The following RNF13 variants were observed in gnomAD, a reference collection of about 807,000 sequenced individuals.
RNF13 encodes the protein E3 ubiquitin-protein ligase RNF13.
RNF13 carries 19 observed loss-of-function variants against 37.7 expected under a neutral mutation model. That is an observed-to-expected ratio of 0.50 (90% CI 0.35 to 0.74). The LOEUF is 0.74. RNF13 is among the 30% of genes least tolerant of loss of function. The pLI is 0.01. For synonymous variants in RNF13, 144 were observed against 157.8 expected (o/e 0.91, Z 0.65); for missense variants, 375 against 453.0 (o/e 0.83, Z 1.56).
At chr3:149,851,833 C>T (rs1244795752) in intron 2 of RNF13, among the ~76,000 whole-genome samples, 8 of 152,152 alleles carry the variant, frequency 5.3e-5, no homozygotes, top group Non-Finnish European at 1.0e-4. Context: ...AAACTCATCT[C>T]ACAATTATTA....
chr3:149,929,607 T>C (rs941439021), intron 8 of RNF13, among the ~76,000 whole-genome samples: 1 of 152,200 alleles, frequency 6.6e-6, no homozygotes, highest in Non-Finnish European at 1.5e-5. Context: ...CCATTCTACT[T>C]TCTTTCTGAT....
chr3:149,854,876 AAAT>A (rs369279782), intron 3 of RNF13, among the ~76,000 whole-genome samples: 83 of 152,326 alleles, frequency 5.4e-4, no homozygotes, highest in African/African-American at 2.0e-3. Flanking sequence ...TATTTTGGTG[AAAT>A]ACCTAGCTAT....
intron 8 of RNF13, among the ~76,000 whole-genome samples, chr3:149,956,372 T>C (rs534112617): frequency 2.7e-4 from 41 of 152,284 alleles, no homozygotes; most frequent in African/African-American, 9.1e-4. Flanking sequence ...TGGTGACAGA[T>C]GGTATGAAGG....
chr3:149,919,728 A>T (rs1251705760), intron 7 of RNF13, among the ~76,000 whole-genome samples: 1 of 152,222 alleles, frequency 6.6e-6, no homozygotes, highest in Non-Finnish European at 1.5e-5. Flanking sequence ...GTATGGAAAT[A>T]TGCTTTCATT....
intron 8 of RNF13, among the ~76,000 whole-genome samples, chr3:149,943,849 A>C (rs1467109710): frequency 1.3e-5 from 2 of 151,734 alleles, no homozygotes; most frequent in African/African-American, 2.4e-5. Context: ...TCTAGGGTAC[A>C]TGCACACAAC....
At chr3:149,895,733 CTT>C (rs2108491718) in intron 5 of RNF13, among the ~76,000 whole-genome samples, 173 bp downstream of exon 5, 1 of 152,058 alleles carries the variant, frequency 6.6e-6, no homozygotes, top group East Asian at 1.9e-4. Context: ...ATGAAAATGA[CTT>C]TCTTTTCTGA....
chr3:149,895,155 A>G (rs912548947), intron 4 of RNF13: 2 of 193,948 alleles, frequency 1.0e-5, no homozygotes, highest in African/African-American at 4.6e-5. Flanking sequence ...ATTATTTTAC[A>G]TATGACAAGA....
intron 1 of RNF13, among the ~76,000 whole-genome samples, chr3:149,826,269 C>CAGAGCCCA (rs1162406275): frequency 1.3e-5 from 2 of 152,194 alleles, no homozygotes; most frequent in Non-Finnish European, 2.9e-5. Flanking sequence ...GCAGATGCCT[C>CAGAGCCCA]AGAGCCCAAG....
At chr3:149,831,100 C>T (rs377579871) in intron 1 of RNF13, among the ~76,000 whole-genome samples, 32 of 152,318 alleles carry the variant, frequency 2.1e-4, no homozygotes, top group East Asian at 7.7e-4. Context: ...AAGTTTGCTG[C>T]GGGGGTGAAG....
chr3:149,931,361 C>A (rs1245779091), intron 8 of RNF13, among the ~76,000 whole-genome samples: 1 of 152,150 alleles, frequency 6.6e-6, no homozygotes, highest in Non-Finnish European at 1.5e-5. Flanking sequence ...CCACACCCAG[C>A]CTGATTTTCT....
intron 1 of RNF13, among the ~76,000 whole-genome samples, chr3:149,831,782 T>C (rs1721082595): frequency 6.6e-6 from 1 of 152,154 alleles, no homozygotes; most frequent in African/African-American, 2.4e-5. Context: ...GAAAATGGAC[T>C]AATACAGTAT....
At chr3:149,862,188 C>T (rs1002250683) in intron 3 of RNF13, among the ~76,000 whole-genome samples, 21 of 152,052 alleles carry the variant, frequency 1.4e-4, no homozygotes, top group Admixed American at 3.3e-4. Flanking sequence ...ACTTAAATTA[C>T]ACCATAATGT....
intron 8 of RNF13, among the ~76,000 whole-genome samples, chr3:149,923,152 GAAAT>G (rs1718313384): frequency 6.6e-6 from 1 of 151,558 alleles, no homozygotes. Context: ...TTAAAATAAA[GAAAT>G]GAATAGACAT....
intron 1 of RNF13, among the ~76,000 whole-genome samples, chr3:149,825,332 T>G (rs1457425589): frequency 6.6e-6 from 1 of 152,094 alleles, no homozygotes; most frequent in Non-Finnish European, 1.5e-5. Context: ...CCTGGCTAAT[T>G]TTTGTATTTT....
chr3:149,916,077 TC>T (rs1430257856), intron 7 of RNF13, among the ~76,000 whole-genome samples: 3 of 152,180 alleles, frequency 2.0e-5, no homozygotes, highest in Admixed American at 2.0e-4. Context: ...TCTCTTACTT[TC>T]TAAAATAGTT....
At chr3:149,910,600 A>T (rs1311191754) in intron 6 of RNF13, among the ~76,000 whole-genome samples, 1 of 152,216 alleles carries the variant, frequency 6.6e-6, no homozygotes, top group Admixed American at 6.5e-5. Flanking sequence ...GCACCTCTGT[A>T]TGAGGAAAGG....
At chr3:149,944,813 G>T (rs910436782) in intron 8 of RNF13, among the ~76,000 whole-genome samples, 72 of 152,210 alleles carry the variant, frequency 4.7e-4, no homozygotes, top group African/African-American at 1.7e-3. Context: ...CTTTTGTTTA[G>T]TTAGATCCCA....
chr3:149,837,777 C>T (rs570235099), intron 1 of RNF13, among the ~76,000 whole-genome samples: 1 of 152,176 alleles, frequency 6.6e-6, no homozygotes, highest in South Asian at 2.1e-4. Context: ...TGCCCTGGCC[C>T]CTCCCAAATC....
upstream of RNF13, chr3:149,812,776 CG>C: frequency 6.5e-6 from 1 of 152,920 alleles, no homozygotes; most frequent in Non-Finnish European, 1.5e-5. Flanking sequence ...CAGGCCCGCC[CG>C]GGGGCAGCCC....
Sources: allele counts gnomAD v4.1 joint callset (sites outside exome capture counted in the v4.1 genomes callset), GRCh38; gene constraint gnomAD v4.1.1; transcripts MANE v1.5; gene names NCBI Gene and HGNC (gene_info 2026-07-23, HGNC 2026-07-21).